Variants in CDHR3 observed in about 807,000 individuals in gnomAD.
CDHR3 encodes cadherin-related family member 3.
Under a neutral mutation model 86.6 loss-of-function variants are expected in CDHR3, and 79 were observed. That is an observed-to-expected ratio of 0.91 (90% CI 0.76 to 1.10). The LOEUF is 1.10. Ranked by LOEUF, CDHR3 falls within the 50% of genes least tolerant of loss-of-function variation. The pLI, the probability that CDHR3 is intolerant of heterozygous loss-of-function variation, is 0.00. For synonymous variants in CDHR3, 421 were observed against 402.4 expected, an observed-to-expected ratio of 1.05 and a Z score of -0.55; for missense variants, 1,081 against 1,077.6, an observed-to-expected ratio of 1.00 and a Z score of -0.04.
chr7:105,993,698 A>C (rs1240014064), intron 4 of CDHR3, among the ~76,000 whole-genome samples: 1 of 150,436 alleles, frequency 6.6e-6, no homozygotes, highest in African/African-American at 2.4e-5. Flanking sequence ...AAAAAAAAAA[A>C]AAAAAAAGAA....
intron 1 of CDHR3, among the ~76,000 whole-genome samples, chr7:105,965,111 A>T (rs1826664444): frequency 6.6e-6 from 1 of 152,214 alleles, no homozygotes; most frequent in Non-Finnish European, 1.5e-5. Context: ...TTTAAAACAC[A>T]CAATAGAATC....
chr7:105,982,446 G>A (rs1481783554), intron 3 of CDHR3, among the ~76,000 whole-genome samples: 5 of 140,554 alleles, frequency 3.6e-5, no homozygotes, highest in African/African-American at 1.4e-4. Flanking sequence ...TCCAGCCTGG[G>A]TGATAGAGCG....
At chr7:106,028,699 T>A (rs1028518956) in intron 17 of CDHR3, 117 bp downstream of exon 17, 5 of 1,107,944 alleles carry the variant, frequency 4.5e-6, no homozygotes, top group Admixed American at 2.3e-5. Context: ...AGGGAGGTGC[T>A]TGTGTTTGGC....
intron 15 of CDHR3, among the ~76,000 whole-genome samples, chr7:106,026,198 A>G (rs570496688): frequency 6.6e-6 from 1 of 152,362 alleles, no homozygotes; most frequent in South Asian, 2.1e-4. Context: ...ACAGAGCTAT[A>G]GAATCCAAGG....
At chr7:105,983,810 A>G (rs445619) in intron 3 of CDHR3, among the ~76,000 whole-genome samples, 137,468 of 152,156 alleles carry the variant, frequency 0.9, 62,386 homozygotes, top group Middle Eastern at 0.97. Flanking sequence ...AGTTGAGGAG[A>G]GATTTGCACA....
intron 3 of CDHR3, among the ~76,000 whole-genome samples, chr7:105,983,618 C>G (rs1830099789): frequency 6.6e-6 from 1 of 152,136 alleles, no homozygotes; most frequent in Non-Finnish European, 1.5e-5. Context: ...CCGCCTGCTC[C>G]TCCCTCCTCC....
In CDHR3 at chr7:105,998,562, C is replaced by T. The variant is rs146107362; in HGVS notation, c.713+2208C>T. 9.7e-3 allele frequency among the ~76,000 whole-genome samples: 1,477 copies of T among 152,176 alleles called. 16 individuals carry two copies. Among genetic ancestry groups the T allele is most frequent in the African/African-American group, 0.034 (1,404 of 41,514 alleles). On this transcript the variant is annotated intron_variant, in intron 6 of 18. Coordinates refer to ENST00000317716, the MANE Select transcript of CDHR3 (RefSeq NM_152750.5). The stretch of plus-strand genomic sequence containing the variant: ...ATCCCAGCACTTTGGGAGGCTGAGG[C>T]GGGTGGATCACCTGAGGTCAGGAGT...
intron 4 of CDHR3, among the ~76,000 whole-genome samples, chr7:105,992,829 TATTTC>T (rs1255936772): frequency 1.3e-5 from 2 of 152,254 alleles, no homozygotes; most frequent in African/African-American, 4.8e-5. Flanking sequence ...ATAGGTGGCA[TATTTC>T]ATTTCTTTTT....
intron 1 of CDHR3, among the ~76,000 whole-genome samples, chr7:105,967,127 C>T (rs1827084719): frequency 6.6e-6 from 1 of 152,056 alleles, no homozygotes; most frequent in Admixed American, 6.6e-5. Flanking sequence ...ATGACAGGCC[C>T]CAGTGTGTGA....
chr7:106,027,280 C>A (rs1435867658), intron 16 of CDHR3, among the ~76,000 whole-genome samples: 1 of 151,928 alleles, frequency 6.6e-6, no homozygotes, highest in Non-Finnish European at 1.5e-5. Context: ...ACCTGTAGTC[C>A]CAGCTACTCG....
intron 10 of CDHR3, among the ~76,000 whole-genome samples, chr7:106,015,414 G>A (rs1166776933): frequency 6.6e-6 from 1 of 151,882 alleles, no homozygotes; most frequent in Non-Finnish European, 1.5e-5. Flanking sequence ...GACTTCCTTG[G>A]TTAAAGCCTT....
intron 1 of CDHR3, among the ~76,000 whole-genome samples, chr7:105,964,833 T>G (rs935541616): frequency 2.0e-5 from 3 of 152,158 alleles, no homozygotes; most frequent in African/African-American, 4.8e-5. Flanking sequence ...GCTTTTCAAC[T>G]CAGCAGAGGG....
At chr7:105,980,623 A>ATTTTTTTTTTTTTTTTTTTT (rs55880404) in intron 2 of CDHR3, among the ~76,000 whole-genome samples, 1 of 108,154 alleles carries the variant, frequency 9.2e-6, no homozygotes. Flanking sequence ...TTTTTTTTTA[A>ATTTTTTTTTTTTTTTTTTTT]TTTTTTTTTT....
In CDHR3 at chr7:106,032,447, A is replaced by T; in HGVS notation, c.2408A>T (p.Asp803Val). The T allele has an allele frequency of 6.2e-7, 1 of 1,613,524 alleles. No homozygotes were observed. The highest frequency in any genetic ancestry group is 8.5e-7 in the Non-Finnish European group (1 of 1,179,558). ...NSKTGARKWK[D>V]PLTQMPKWKE... ...AAAACTGGAGCCAGAAAGTGGAAAG[A>T]TCCACTAACCCAAATGCCAAAATGG... Residue 803 changes from aspartate to valine, a missense_variant, in exon 19 of 19, where the codon GAT becomes GTT. Physicochemically the swap from Asp to Val is radical, Grantham distance 152. Transcript: ENST00000317716.
rs544136792 is a variant in CDHR3, at chr7:106,032,936, T to C, written c.*239T>C. 1.1e-4 allele frequency: 57 copies of C among 518,698 alleles called. 2 individuals are homozygous for C. In the South Asian group the frequency reaches 1.5e-3, roughly 14 times the overall value. 32.1% of individuals were successfully genotyped at this position (518,698 alleles called of 1,614,324 possible). On this transcript the variant is annotated 3_prime_UTR_variant, in exon 19 of 19. Coordinates refer to ENST00000317716, the MANE Select transcript of CDHR3 (RefSeq NM_152750.5). ...ATCAGATTTCAGAACTACCTGTGCT[T>C]CTGATAAGCAAGACTGTTAACTTTG...
chr7:106,001,387 C>A, intron 6 of CDHR3, 75 bp from the exon 7 acceptor site: 3 of 1,555,968 alleles, frequency 1.9e-6, no homozygotes, highest in Non-Finnish European at 2.6e-6. Context: ...TAGCACTAAC[C>A]AAAATACCAA....
chr7:105,986,515 G>A (rs936736100), intron 4 of CDHR3, among the ~76,000 whole-genome samples: 2 of 152,206 alleles, frequency 1.3e-5, no homozygotes, highest in Non-Finnish European at 2.9e-5. Flanking sequence ...AACAAGAAGA[G>A]TAAATTAACA....
chr7:105,971,085 GAGCCA>G (rs369337480), intron 1 of CDHR3, among the ~76,000 whole-genome samples: 1 of 150,860 alleles, frequency 6.6e-6, no homozygotes, highest in African/African-American at 2.4e-5. Context: ...AGCTTGCAGT[GAGCCA>G]AGATCGCGCC....
intron 18 of CDHR3, among the ~76,000 whole-genome samples, chr7:106,031,329 G>A (rs1179602996): frequency 6.6e-6 from 1 of 152,132 alleles, no homozygotes; most frequent in Non-Finnish European, 1.5e-5. Context: ...CCTCTTGGTC[G>A]GCAAGATGAA....
Sources: gnomAD v4.1 joint callset for allele counts (sites outside exome capture counted in the v4.1 genomes callset) on GRCh38, gnomAD v4.1.1 for gene constraint, MANE v1.5 for transcripts, NCBI Gene and HGNC (gene_info 2026-07-23, HGNC 2026-07-21) for gene names.